OMA1: variants seen among roughly 807,000 people sequenced by gnomAD.
OMA1 encodes the protein metalloendopeptidase OMA1, mitochondrial.
In OMA1, 38 loss-of-function variants were observed where a neutral mutation model predicts 30.9. The ratio of observed to expected loss-of-function variants is 1.23; its 90% CI spans 0.95 to 1.61. The LOEUF (loss-of-function observed/expected upper bound fraction) is 1.61, where lower values mean the gene tolerates loss of function less well. OMA1 is among the 40% of genes most tolerant of loss of function. The pLI, the probability that OMA1 is intolerant of heterozygous loss-of-function variation, is 0.00. For synonymous variants in OMA1, 173 were observed against 121.9 expected (o/e 1.42, Z -2.76); for missense variants, 461 against 349.2 (o/e 1.32, Z -2.55).
chr1:58,484,888 G>A (rs1645547668), intron 8 of OMA1, among the ~76,000 whole-genome samples: 1 of 152,086 alleles, frequency 6.6e-6, no homozygotes, highest in Non-Finnish European at 1.5e-5. Flanking sequence ...ATCAGTGGTT[G>A]CCAGGGGCTA....
At chr1:58,504,893 A>T (rs1478910904) in intron 8 of OMA1, among the ~76,000 whole-genome samples, 1 of 151,704 alleles carries the variant, frequency 6.6e-6, no homozygotes, top group Admixed American at 6.6e-5. Flanking sequence ...ATCTAGCATC[A>T]TTTCTTTCTT....
At chr1:58,539,862 T>G (rs888898578) in intron 1 of OMA1, among the ~76,000 whole-genome samples, 1 of 151,960 alleles carries the variant, frequency 6.6e-6, no homozygotes, top group African/African-American at 2.4e-5. Context: ...ATCGAAGAGA[T>G]AAAGCTGGGA....
intron 8 of OMA1, among the ~76,000 whole-genome samples, chr1:58,494,016 T>G (rs1294097047): frequency 2.5e-4 from 38 of 151,772 alleles, no homozygotes; most frequent in Admixed American, 2.4e-3. Flanking sequence ...GACTTCAAAC[T>G]ATACTACAAG....
intron 8 of OMA1, among the ~76,000 whole-genome samples, chr1:58,490,503 G>C (rs1013498644): frequency 1.3e-5 from 2 of 152,208 alleles, no homozygotes; most frequent in African/African-American, 4.8e-5. Context: ...ATGGAACCAA[G>C]TTGGAAAACA....
At chr1:58,504,194 A>T (rs1420549732) in intron 8 of OMA1, among the ~76,000 whole-genome samples, 4 of 152,228 alleles carry the variant, frequency 2.6e-5, no homozygotes, top group Admixed American at 2.6e-4. Flanking sequence ...GTGAAAGTCA[A>T]GTCCTTACAA....
intron 8 of OMA1, among the ~76,000 whole-genome samples, chr1:58,491,297 C>A (rs566086253): frequency 1.2e-4 from 18 of 152,262 alleles, no homozygotes; most frequent in African/African-American, 4.3e-4. Context: ...CCGGTACCAG[C>A]CGCAGCAAAA....
At chr1:58,513,880 C>G (rs1445834458) in intron 7 of OMA1, among the ~76,000 whole-genome samples, 1 of 152,164 alleles carries the variant, frequency 6.6e-6, no homozygotes, top group Non-Finnish European at 1.5e-5. Flanking sequence ...TGACAAAGCT[C>G]AAACAGCTAG....
chr1:58,540,053 G>A (rs537603193), intron 1 of OMA1, among the ~76,000 whole-genome samples: 1 of 152,266 alleles, frequency 6.6e-6, no homozygotes, highest in East Asian at 1.9e-4. Flanking sequence ...TGAAAAGATT[G>A]CAGGGAATAA....
intron 7 of OMA1, among the ~76,000 whole-genome samples, chr1:58,523,126 C>A (rs1308006074): frequency 6.6e-6 from 1 of 152,200 alleles, no homozygotes; most frequent in Non-Finnish European, 1.5e-5. Flanking sequence ...AAGCACTCAT[C>A]TCCATCAAGT....
intron 7 of OMA1, among the ~76,000 whole-genome samples, chr1:58,520,674 T>C (rs1646247756): frequency 6.6e-6 from 1 of 151,920 alleles, no homozygotes. Context: ...ATAACAATAC[T>C]AAAAGGAAAA....
chr1:58,528,383 C>G (rs1300743614), intron 6 of OMA1, among the ~76,000 whole-genome samples: 2 of 152,176 alleles, frequency 1.3e-5, no homozygotes, highest in East Asian at 3.8e-4. Context: ...TCCAAGCTCA[C>G]AGAGCTGCAG....
chr1:58,493,274 G>A (rs1183468951), intron 8 of OMA1, among the ~76,000 whole-genome samples: 2 of 152,032 alleles, frequency 1.3e-5, no homozygotes, highest in Non-Finnish European at 2.9e-5. Flanking sequence ...TCTCAAAATA[G>A]TAAGAGCTAT....
intron 1 of OMA1, among the ~76,000 whole-genome samples, chr1:58,545,076 G>C (rs1557462596): frequency 6.6e-6 from 1 of 151,994 alleles, no homozygotes; most frequent in South Asian, 2.1e-4. Context: ...CCTTCATATG[G>C]CGAACCAGGC....
intron 7 of OMA1, among the ~76,000 whole-genome samples, chr1:58,515,894 G>A (rs1301829378): frequency 6.6e-6 from 1 of 152,164 alleles, no homozygotes; most frequent in Non-Finnish European, 1.5e-5. Flanking sequence ...AAAAGTCTAT[G>A]ATTCTACAAG....
At chr1:58,544,783 G>A (rs10789065) in intron 1 of OMA1, among the ~76,000 whole-genome samples, 98,817 of 152,112 alleles carry the variant, frequency 0.65, 34,196 homozygotes, top group East Asian at 0.94. Context: ...TAGTAGAGAC[G>A]GGGTTTCGGC....
chr1:58,533,489 T>G (rs1031127953), intron 5 of OMA1, among the ~76,000 whole-genome samples: 1 of 152,072 alleles, frequency 6.6e-6, no homozygotes, highest in African/African-American at 2.4e-5. Context: ...TTGTTATTAC[T>G]CTGTATTAAT....
intron 5 of OMA1, among the ~76,000 whole-genome samples, chr1:58,531,122 C>T (rs189559262): frequency 1.1e-3 from 163 of 152,220 alleles, no homozygotes; most frequent in African/African-American, 3.9e-3. Flanking sequence ...AGAAATCAAA[C>T]CCGGTCAGTT....
chr1:58,538,355 A>C (rs1481568854), intron 2 of OMA1, among the ~76,000 whole-genome samples: 1 of 152,184 alleles, frequency 6.6e-6, no homozygotes, highest in Non-Finnish European at 1.5e-5. Flanking sequence ...TTATATAAGC[A>C]AAGTTCCTCA....
intron 8 of OMA1, among the ~76,000 whole-genome samples, chr1:58,486,942 A>C (rs1388247210): frequency 1.3e-5 from 2 of 152,230 alleles, no homozygotes; most frequent in Non-Finnish European, 2.9e-5. Flanking sequence ...GCAGTGGCCA[A>C]ATTACGTGCC....
Sources: gnomAD v4.1 joint callset for allele counts (sites outside exome capture counted in the v4.1 genomes callset) on GRCh38, gnomAD v4.1.1 for gene constraint, MANE v1.5 for transcripts, NCBI Gene and HGNC (gene_info 2026-07-23, HGNC 2026-07-21) for gene names.